The following CLASP1 variants were observed in gnomAD, a reference collection of about 807,000 sequenced individuals.
The protein encoded by CLASP1 is CLIP-associating protein 1.
A neutral mutation model predicts 192.3 loss-of-function variants in CLASP1; 38 were observed. The observed-to-expected ratio is 0.20, with a 90% CI of 0.15 to 0.26. The LOEUF is 0.26. Among genes scored for constraint, CLASP1 ranks in the 10% least tolerant of loss-of-function variants. The pLI, the probability that CLASP1 is intolerant of heterozygous loss-of-function variation, is 1.00. For missense variants in CLASP1, 1,433 were observed against 1,932.5 expected (o/e 0.74, Z 4.85); for synonymous variants, 691 against 712.8 (o/e 0.97, Z 0.49).
At chr2:121,634,038 A>G (rs2070333432) in intron 1 of CLASP1, among the ~76,000 whole-genome samples, 1 of 151,048 alleles carries the variant, frequency 6.6e-6, no homozygotes, top group Non-Finnish European at 1.5e-5. Context: ...ACCCACCAGG[A>G]GAGTGTGCAC....
intron 7 of CLASP1, among the ~76,000 whole-genome samples, chr2:121,508,968 G>C (rs2094029055): frequency 6.6e-6 from 1 of 152,036 alleles, no homozygotes; most frequent in South Asian, 2.1e-4. Context: ...ATGCACCTAA[G>C]AACAGAGCCC....
chr2:121,468,365 G>C (rs553053084), intron 9 of CLASP1, among the ~76,000 whole-genome samples: 1 of 152,098 alleles, frequency 6.6e-6, no homozygotes, highest in Non-Finnish European at 1.5e-5. Flanking sequence ...ATTGCTTTGG[G>C]CAGTATGGCC....
chr2:121,414,007 T>G (rs1351921775), intron 23 of CLASP1, among the ~76,000 whole-genome samples, 134 bp downstream of exon 24: 2 of 152,092 alleles, frequency 1.3e-5, no homozygotes, highest in African/African-American at 2.4e-5. Context: ...TTAAAAAAAT[T>G]AAAGCACATT....
At chr2:121,408,413 C>T (rs1264960917) in intron 24 of CLASP1, among the ~76,000 whole-genome samples, 1 of 152,180 alleles carries the variant, frequency 6.6e-6, no homozygotes, top group Non-Finnish European at 1.5e-5. Context: ...GACTATAATA[C>T]CCACTTTATT....
At chr2:121,452,732 A>C (rs1352425727) in intron 14 of CLASP1, among the ~76,000 whole-genome samples, 1 of 152,190 alleles carries the variant, frequency 6.6e-6, no homozygotes, top group Non-Finnish European at 1.5e-5. Context: ...CAGAGGTTGC[A>C]GTGAGCCGAG....
chr2:121,404,823 G>A (rs917301854), intron 25 of CLASP1, among the ~76,000 whole-genome samples: 5 of 152,188 alleles, frequency 3.3e-5, no homozygotes, highest in Non-Finnish European at 5.9e-5. Flanking sequence ...ACAAAGCCAT[G>A]CACCAAATCT....
intron 6 of CLASP1, among the ~76,000 whole-genome samples, chr2:121,518,696 C>A (rs1226625535): frequency 6.7e-6 from 1 of 150,064 alleles, no homozygotes; most frequent in Admixed American, 6.6e-5. Context: ...GGTGAAACCC[C>A]GTCTCTACTA....
chr2:121,570,712 AG>A (rs1289514547), intron 2 of CLASP1, among the ~76,000 whole-genome samples: 1 of 152,230 alleles, frequency 6.6e-6, no homozygotes, highest in East Asian at 1.9e-4. Context: ...TAATACCATG[AG>A]TTTTCTATTT....
intron 2 of CLASP1, among the ~76,000 whole-genome samples, chr2:121,542,666 G>A (rs2095257613): frequency 6.6e-6 from 1 of 152,120 alleles, no homozygotes; most frequent in African/African-American, 2.4e-5. Flanking sequence ...TTCCTCTTCT[G>A]GAATGCCCTC....
chr2:121,344,626 C>A lies in CLASP1; in HGVS notation c.4530+2412G>T, dbSNP rs115596752. On this transcript the variant is annotated intron_variant, in intron 39 of 39. Transcript: ENST00000263710. ...GATTACAGGTATGAGCCGTGCCCAG[C>A]CTTCATTTATTAACTTCATTTAAGC... is the stretch of plus-strand genomic sequence containing the variant. Among the ~76,000 whole-genome samples, 743 of 152,168 alleles carry A rather than the reference C, an allele frequency of 4.9e-3. 9 individuals carry two copies. The highest frequency in any genetic ancestry group is 0.017 in the African/African-American group (721 of 41,516).
intron 2 of CLASP1, among the ~76,000 whole-genome samples, chr2:121,558,941 C>T (rs1177674958): frequency 1.3e-5 from 2 of 152,154 alleles, no homozygotes; most frequent in African/African-American, 4.8e-5. Context: ...GGCCTGGGAA[C>T]CTTAAGAATA....
chr2:121,538,507 G>T (rs901616533), intron 2 of CLASP1, among the ~76,000 whole-genome samples: 1 of 151,894 alleles, frequency 6.6e-6, no homozygotes, highest in Admixed American at 6.6e-5. Flanking sequence ...TCTAGAAGGC[G>T]CTAGGCATGG....
intron 14 of CLASP1, among the ~76,000 whole-genome samples, chr2:121,457,231 C>G (rs1338151634): frequency 6.6e-6 from 1 of 152,202 alleles, no homozygotes; most frequent in Non-Finnish European, 1.5e-5. Flanking sequence ...AAATCGCTAA[C>G]AGAAGATGCA....
At chr2:121,433,563 T>C (rs2081828534) in intron 19 of CLASP1, among the ~76,000 whole-genome samples, 1 of 152,118 alleles carries the variant, frequency 6.6e-6, no homozygotes. Flanking sequence ...GACACCAGCT[T>C]GGCTAACACG....
intron 2 of CLASP1, among the ~76,000 whole-genome samples, chr2:121,537,651 T>A (rs2095125982): frequency 6.6e-6 from 1 of 152,212 alleles, no homozygotes; most frequent in Non-Finnish European, 1.5e-5. Flanking sequence ...TACCAACCTA[T>A]AATTCTATGA....
At chr2:121,637,753 G>A (rs1168790804) in intron 1 of CLASP1, among the ~76,000 whole-genome samples, 2 of 152,090 alleles carry the variant, frequency 1.3e-5, no homozygotes, top group African/African-American at 2.4e-5. Flanking sequence ...AGGAATGGTG[G>A]TGCATGCCTG....
chr2:121,554,284 T>C (rs190559140), intron 2 of CLASP1, among the ~76,000 whole-genome samples: 167 of 151,692 alleles, frequency 1.1e-3, no homozygotes, highest in African/African-American at 3.8e-3. Context: ...TGCTATGACA[T>C]AGATGAAGCA....
intron 23 of CLASP1, among the ~76,000 whole-genome samples, chr2:121,414,531 A>G (rs1340788565): frequency 3.3e-5 from 5 of 152,222 alleles, no homozygotes; most frequent in Non-Finnish European, 7.3e-5. Flanking sequence ...CATATGCAAC[A>G]TGAAGAACAG....
chr2:121,382,089 G>GCA lies in CLASP1; in HGVS notation c.3491+118_3491+119insTG, dbSNP rs2071817397. On this transcript the variant is annotated intron_variant, in intron 33 of 39. Transcript: ENST00000263710. ...CACCAAGGCTCTACTCCTGCTATGT[G>GCA]ACACCAAGGAAGGGACCACACTGGA... 6.6e-6 allele frequency: 5 copies of GCA among 753,140 alleles called. No homozygotes were observed. In the African/African-American group the frequency reaches 8.7e-5, roughly 13 times the overall value. 46.7% of individuals were successfully genotyped at this position (753,140 alleles called of 1,614,324 possible).
Sources: allele counts gnomAD v4.1 joint callset (sites outside exome capture counted in the v4.1 genomes callset), GRCh38; gene constraint gnomAD v4.1.1; transcripts MANE v1.5; gene names NCBI Gene and HGNC (gene_info 2026-07-23, HGNC 2026-07-21).